Variants in HBP1 observed in about 807,000 individuals in gnomAD.
HBP1 encodes HMG-box transcription factor 1.
In HBP1, 20 loss-of-function variants were observed where a neutral mutation model predicts 62.6. That is an observed-to-expected ratio of 0.32 (90% CI 0.22 to 0.46). HBP1 has a LOEUF of 0.46. Ranked by LOEUF, HBP1 falls within the 20% of genes least tolerant of loss-of-function variation. The probability of loss-of-function intolerance (pLI) is 1.00; values close to 1 mark genes in which losing one functional copy is unlikely to be tolerated. For missense variants in HBP1, 480 were observed against 611.8 expected, an observed-to-expected ratio of 0.78 and a Z score of 2.27; for synonymous variants, 232 against 206.2, an observed-to-expected ratio of 1.12 and a Z score of -1.07.
intron 1 of HBP1, among the ~76,000 whole-genome samples, chr7:107,178,842 G>A (rs1449298084): frequency 1.3e-5 from 2 of 152,160 alleles, no homozygotes; most frequent in Admixed American, 6.5e-5. Flanking sequence ...AGACCAGCCT[G>A]GCCAACATGG....
chr7:107,169,540 C>A (rs1796444601), intron 1 of HBP1, among the ~76,000 whole-genome samples: 1 of 150,310 alleles, frequency 6.7e-6, no homozygotes. Flanking sequence ...CCGGGGCTGC[C>A]CAGGAAAGTT....
At chr7:107,185,747 A>C in intron 3 of HBP1, 54 bp from the exon 4 acceptor site, 1 of 1,429,556 alleles carries the variant, frequency 7.0e-7, no homozygotes, top group Non-Finnish European at 9.7e-7. Flanking sequence ...CATTAATAGG[A>C]AAGATCTACT....
chr7:107,187,781 A>G (rs1797464879), intron 6 of HBP1, among the ~76,000 whole-genome samples: 1 of 152,198 alleles, frequency 6.6e-6, no homozygotes, highest in Non-Finnish European at 1.5e-5. Flanking sequence ...CATTTGACAC[A>G]TTGGGTTAGT....
At chr7:107,187,975 A>T (rs1013574828) in intron 6 of HBP1, among the ~76,000 whole-genome samples, 7 of 152,072 alleles carry the variant, frequency 4.6e-5, no homozygotes, top group Non-Finnish European at 1.0e-4. Context: ...TGTGGAATGC[A>T]CTCTGGACTT....
At position 107,171,074 on chromosome 7, in the gene HBP1, T is replaced by TATATA. The variant is rs1554380347; in HGVS notation, c.-16+1889_-16+1890insATATA. Among the ~76,000 whole-genome samples the TATATA allele has an allele frequency of 6.7e-3, 252 of 37,498 alleles. 16 individuals are homozygous for TATATA. The highest frequency in any genetic ancestry group is 0.031 in the African/African-American group (175 of 5,716). The allele number at this position is 37,498 out of a possible 152,430, so 24.6% of individuals were successfully genotyped here. On this transcript the variant is annotated intron_variant, in intron 1 of 10. Coordinates refer to ENST00000222574, the MANE Select transcript of HBP1 (RefSeq NM_012257.4). ...ATATATATATATATATATATATATA[T>TATATA]TTTTTTTTTTTTTTGAGAGGGAGTC...
At chr7:107,176,275 C>T (rs1324968215) in intron 1 of HBP1, among the ~76,000 whole-genome samples, 2 of 152,050 alleles carry the variant, frequency 1.3e-5, no homozygotes, top group African/African-American at 4.8e-5. Context: ...CCGCCCTCCT[C>T]GGCTTCCCAA....
Position 107,195,939 on chromosome 7 carries a change from T to C in HBP1, c.1173T>C (p.Phe391=), listed in dbSNP as rs1797878288. Residue 391 remains phenylalanine (F), a synonymous_variant, in exon 9 of 11, where the codon TTT becomes TTC. Transcript: ENST00000222574. ...GTGGAGGACCTGGTGGTCAAGACTTTGCAAGATCTGGATTCAGTAAAAACT... is the reference window on the plus strand; with the variant it reads ...GTGGAGGACCTGGTGGTCAAGACTTCGCAAGATCTGGATTCAGTAAAAACT... ...LSCGGPGGQD[F]ARSGFSKNCG... is the part of the protein sequence containing the mutation. The C allele has an allele frequency of 2.5e-6, 4 of 1,614,056 alleles. No individual in the cohort carries two copies. Among genetic ancestry groups the C allele is most frequent in the Non-Finnish European group, 3.4e-6 (4 of 1,179,926 alleles).
rs150744889 is a variant in HBP1 at position 107,196,303 on chromosome 7, G to T, written c.1385+152G>T. The stretch of plus-strand genomic sequence containing the variant: ...TTTGTTTTTGAGACGGAGTCTCGCT[G>T]TGTCACCCAAGCTGGAGTCCAGTGG... On this transcript the variant is annotated intron_variant, in intron 9 of 10. Coordinates refer to ENST00000222574, the MANE Select transcript of HBP1 (RefSeq NM_012257.4). 1.5e-3 allele frequency: 985 copies of T among 677,806 alleles called. 11 individuals are homozygous for T. In the African/African-American group the frequency reaches 0.016, roughly 11 times the overall value. The allele number at this position is 677,806 out of a possible 1,614,324, so 42.0% of individuals were successfully genotyped here. A position where few individuals can be genotyped will look rare whatever the true frequency, so the allele number is the denominator to read the frequency against.
intron 1 of HBP1, among the ~76,000 whole-genome samples, chr7:107,170,972 A>AAAT (rs1796532338): frequency 2.1e-5 from 3 of 143,846 alleles, no homozygotes; most frequent in Non-Finnish European, 3.0e-5. Flanking sequence ...TAAAATATAT[A>AAAT]ACATACATGT....
In HBP1 at chr7:107,171,073, A is replaced by ATTTT. The variant is rs60734729; in HGVS notation, c.-16+1900_-16+1903dup. ...TATATATATATATATATATATATAT[A>ATTTT]TTTTTTTTTTTTTTTGAGAGGGAGT... On this transcript the variant is annotated intron_variant, in intron 1 of 10. Transcript: ENST00000222574. Among the ~76,000 whole-genome samples the ATTTT allele has an allele frequency of 1.7e-3, 144 of 87,188 alleles. 15 individuals are homozygous for ATTTT. The highest frequency in any genetic ancestry group is 7.2e-3 in the East Asian group (24 of 3,352). The allele number at this position is 87,188 out of a possible 152,430, so 57.2% of individuals were successfully genotyped here. A position where few individuals can be genotyped will look rare whatever the true frequency, so the allele number is the denominator to read the frequency against.
intron 1 of HBP1, among the ~76,000 whole-genome samples, chr7:107,170,807 C>G (rs1023197393): frequency 6.7e-6 from 1 of 150,124 alleles, no homozygotes; most frequent in African/African-American, 2.4e-5. Flanking sequence ...GGTACCTTCT[C>G]CCAGGATTGC....
chr7:107,189,795 C>G (rs534786208), intron 7 of HBP1: 41 of 228,042 alleles, frequency 1.8e-4, no homozygotes, highest in African/African-American at 8.9e-4. Flanking sequence ...TCTTCAGAGC[C>G]TTATTACAGT....
At chr7:107,200,516 A>C in intron 10 of HBP1, 18 of 379,530 alleles carry the variant, frequency 4.7e-5, no homozygotes, top group East Asian at 1.2e-4. Flanking sequence ...TCGAAATCTC[A>C]GGCAAACTTC....
chr7:107,169,675 T>A (rs1418103617), intron 1 of HBP1: 7 of 903,902 alleles, frequency 7.7e-6, no homozygotes, highest in Non-Finnish European at 9.3e-6. Flanking sequence ...CTGGCTGAGC[T>A]GAGGAGCTCG....
intron 3 of HBP1, 81 bp downstream of exon 3, chr7:107,182,682 G>C (rs1313473187): frequency 5.8e-6 from 4 of 687,152 alleles, no homozygotes; most frequent in African/African-American, 1.8e-5. Flanking sequence ...TAGTTTAAAA[G>C]TAGTAATACT....
At chr7:107,199,464 T>C (rs1798101188) in intron 9 of HBP1, among the ~76,000 whole-genome samples, 1 of 152,256 alleles carries the variant, frequency 6.6e-6, no homozygotes, top group Non-Finnish European at 1.5e-5. Flanking sequence ...AATACACTTG[T>C]AGGAGAGCTT....
In HBP1 at chr7:107,194,916, CA is replaced by C. The variant is rs574583011; in HGVS notation, c.1068-916del. 2.6e-5 allele frequency among the ~76,000 whole-genome samples: 4 copies of C among 152,310 alleles called. No homozygotes were observed. The East Asian group carries it at 7.7e-4, about 29-fold the overall frequency. ...CTTTCCTGACAAAGGCAGGTTTTTA[CA>C]ATGAACTTTATGTTATTAGGCTATG... On this transcript the variant is annotated intron_variant, in intron 8 of 10. Transcript: ENST00000222574.
chr7:107,169,709 C>T (rs1796458668), intron 1 of HBP1: 5 of 983,588 alleles, frequency 5.1e-6, no homozygotes, highest in Non-Finnish European at 6.0e-6. Flanking sequence ...CCCCGGGGCT[C>T]ATTGTTACGC....
At chr7:107,196,237 T>A in intron 9 of HBP1, 86 bp downstream of exon 9, 2 of 840,386 alleles carry the variant, frequency 2.4e-6, no homozygotes, top group Non-Finnish European at 4.0e-6. Context: ...GTAAACTTAT[T>A]CTTTAATAGC....
Sources: allele counts gnomAD v4.1 joint callset (sites outside exome capture counted in the v4.1 genomes callset), GRCh38; gene constraint gnomAD v4.1.1; transcripts MANE v1.5; gene names NCBI Gene and HGNC (gene_info 2026-07-23, HGNC 2026-07-21).